ABCA5: variants seen among roughly 807,000 people sequenced by gnomAD.
ABCA5 encodes the protein ATP binding cassette subfamily A member 5.
A neutral mutation model predicts 206.0 loss-of-function variants in ABCA5; 163 were observed. That is an observed-to-expected ratio of 0.79 (90% CI 0.70 to 0.90). The LOEUF (loss-of-function observed/expected upper bound fraction) is 0.90. Ranked by LOEUF, ABCA5 falls within the 40% of genes least tolerant of loss-of-function variation. The pLI, the probability that ABCA5 is intolerant of heterozygous loss-of-function variation, is 0.00. For missense variants in ABCA5, 1,859 were observed against 1,912.9 expected (o/e 0.97, Z 0.53); for synonymous variants, 609 against 613.8 (o/e 0.99, Z 0.11).
chr17:69,279,038 C>A (rs1373865417), intron 18 of ABCA5, among the ~76,000 whole-genome samples: 1 of 149,304 alleles, frequency 6.7e-6, no homozygotes, highest in Non-Finnish European at 1.5e-5. Flanking sequence ...CTGGCCAGGG[C>A]AATTAGGCAG....
Position 69,267,935 on chromosome 17 carries a change from G to C in ABCA5, c.3144+8C>G. The C allele has an allele frequency of 6.6e-7, 1 of 1,526,556 alleles. No individual in the cohort carries two copies. Among genetic ancestry groups the C allele is most frequent in the Non-Finnish European group, 9.1e-7 (1 of 1,103,430 alleles). 94.6% of individuals were successfully genotyped at this position (1,526,556 alleles called of 1,614,324 possible). A position where few individuals can be genotyped will look rare whatever the true frequency, so the allele number is the denominator to read the frequency against. On this transcript the variant is annotated splice_region_variant and intron_variant, in intron 23 of 38. Transcript: ENST00000392676. Reference sequence around the variant, plus strand: ...TAGCAAATTATATATTTTTAACTGAGTCATTACCTTATGATTCTCTGCATT... The same window carrying C: ...TAGCAAATTATATATTTTTAACTGACTCATTACCTTATGATTCTCTGCATT...
chr17:69,326,703 A>G lies in ABCA5; in HGVS notation c.-16+349T>C, dbSNP rs1239520451. 6.6e-6 allele frequency among the ~76,000 whole-genome samples: 1 copy of G among 152,174 alleles called. No homozygotes were observed. The highest frequency in any genetic ancestry group is 2.4e-5 in the African/African-American group (1 of 41,450). ...TGCTGAGGGTGGAACGACAGCGTCC[A>G]GGCAAAGGCAGTGTCCCGAAGTCCC... On this transcript the variant is annotated intron_variant, in intron 1 of 38. Transcript: ENST00000392676. The surrounding 1 kb of genome is among the most constrained non-coding windows in gnomAD (Gnocchi z 4.8).
intron 18 of ABCA5, 137 bp downstream of exon 18, chr17:69,283,816 A>ATTAG: frequency 7.4e-6 from 2 of 268,960 alleles, no homozygotes; most frequent in Non-Finnish European, 1.0e-5. Flanking sequence ...TCCTATCACT[A>ATTAG]TCAGTATCTC....
intron 18 of ABCA5, among the ~76,000 whole-genome samples, chr17:69,278,785 C>G (rs2075359996): frequency 6.6e-6 from 1 of 151,830 alleles, no homozygotes; most frequent in African/African-American, 2.4e-5. Context: ...AGACAAAAAC[C>G]ACATGATTAT....
intron 38 of ABCA5, 37 bp from the exon 39 acceptor site, chr17:69,247,681 A>ATTCAT: frequency 1.2e-5 from 15 of 1,263,752 alleles, no homozygotes; most frequent in African/African-American, 1.5e-5. Context: ...AGTATGCTGT[A>ATTCAT]TCTCAAGTAC....
chr17:69,299,506 A>G (rs536354263), intron 9 of ABCA5, among the ~76,000 whole-genome samples: 1 of 151,922 alleles, frequency 6.6e-6, no homozygotes, highest in South Asian at 2.1e-4. Flanking sequence ...ACACAAAGGA[A>G]TCCTACTCAT....
intron 11 of ABCA5, among the ~76,000 whole-genome samples, chr17:69,293,873 CGT>C (rs34432447): frequency 4.9e-5 from 4 of 81,190 alleles, no homozygotes; most frequent in African/African-American, 2.3e-4. Flanking sequence ...TGTGTGTGTG[CGT>C]GTGTGTGTGT....
chr17:69,281,567 T>C (rs2075394135), intron 18 of ABCA5, among the ~76,000 whole-genome samples: 1 of 152,142 alleles, frequency 6.6e-6, no homozygotes, highest in African/African-American at 2.4e-5. Context: ...TCTTCTTTGA[T>C]CCAGACATAA....
Position 69,308,272 on chromosome 17 carries a change from A to T in ABCA5, c.558+8T>A, listed in dbSNP as rs769770910. 1.9e-6 allele frequency: 3 copies of T among 1,546,686 alleles called. No homozygotes were observed. Among genetic ancestry groups the T allele is most frequent in the Admixed American group, 1.7e-5 (1 of 58,758 alleles). ...TAGTTTTTGTATTTCTTCCTTTATC[A>T]TATTTACCTGTATAATGGCAGCATC... On this transcript the variant is annotated splice_region_variant and intron_variant, in intron 5 of 38. Coordinates refer to ENST00000392676, the MANE Select transcript of ABCA5 (RefSeq NM_172232.4).
intron 23 of ABCA5, 58 bp downstream of exon 23, chr17:69,267,885 G>C: frequency 1.1e-6 from 1 of 936,950 alleles, no homozygotes; most frequent in Non-Finnish European, 1.7e-6. Context: ...AAGCAAATAG[G>C]TTATTTTTAT....
chr17:69,308,318 T>C lies in ABCA5; in HGVS notation c.520A>G (p.Thr174Ala), dbSNP rs1452229354. ...GCATCTATGGATGCTTGTAAAACTG[T>C]GAAACCTGAGGACCAGTACTGAGCA... The part of the protein sequence containing the change: ...EAAQYWSSGF[T>A]VLQASIDAAI... Residue 174 changes from threonine to alanine, a missense_variant, in exon 5 of 39, where the codon ACA becomes GCA. Thr to Ala is a moderately conservative substitution (Grantham distance 58). Coordinates refer to ENST00000392676, the MANE Select transcript of ABCA5 (RefSeq NM_172232.4). 2 of 1,612,136 alleles carry C rather than the reference T, an allele frequency of 1.2e-6. No homozygotes were observed. Among genetic ancestry groups the C allele is most frequent in the South Asian group, 2.2e-5 (2 of 90,934 alleles).
In ABCA5 at chr17:69,287,356, T is replaced by C. The variant is rs7217018; in HGVS notation, c.2041+257A>G. On this transcript the variant is annotated intron_variant, in intron 15 of 38. Coordinates refer to ENST00000392676, the MANE Select transcript of ABCA5 (RefSeq NM_172232.4). ...CTAACTTAGCTTTGTATCCTTTTGC[T>C]GTAATAAATCATAGTCATGAGTATG... 4.5e-4 allele frequency among the ~76,000 whole-genome samples: 68 copies of C among 152,304 alleles called. 1 individual carries two copies. Among genetic ancestry groups the C allele is most frequent in the African/African-American group, 1.6e-3 (66 of 41,576 alleles).
At chr17:69,284,987 G>A (rs1180602445) in intron 17 of ABCA5, among the ~76,000 whole-genome samples, 1 of 152,304 alleles carries the variant, frequency 6.6e-6, no homozygotes, top group South Asian at 2.1e-4. Flanking sequence ...AAAACCATGA[G>A]TTCTGGAACT....
chr17:69,298,225 T>TAGGTAGGAAGGTAGGA (rs1339426204), intron 9 of ABCA5, among the ~76,000 whole-genome samples: 875 of 58,124 alleles, frequency 0.015, 33 homozygotes, highest in African/African-American at 0.028. Flanking sequence ...GGAAGGAAGG[T>TAGGTAGGAAGGTAGGA]AGGTAGGAAG....
intron 13 of ABCA5, 39 bp from the exon 14 acceptor site, chr17:69,289,335 C>T: frequency 7.0e-7 from 1 of 1,433,428 alleles, no homozygotes; most frequent in Non-Finnish European, 9.2e-7. Flanking sequence ...TTTTAAAAAT[C>T]ATACCATTTA....
At chr17:69,294,930 T>C (rs982531130) in intron 10 of ABCA5, among the ~76,000 whole-genome samples, 1 of 152,120 alleles carries the variant, frequency 6.6e-6, no homozygotes, top group Non-Finnish European at 1.5e-5. Context: ...CTGCCACACA[T>C]AGTTGAAAAT....
rs1313371355 is a variant in ABCA5, at chr17:69,326,280, A to G, written c.-16+772T>C. 6.6e-6 allele frequency among the ~76,000 whole-genome samples: 1 copy of G among 152,260 alleles called. No homozygotes were observed. Among genetic ancestry groups the G allele is most frequent in the Non-Finnish European group, 1.5e-5 (1 of 68,038 alleles). ...CGAGCCTGGCTTAAAGCTGTAGTCCAGCAAATACTCCTCTTCCCTTAGATT... is the reference window on the plus strand; with the variant it reads ...CGAGCCTGGCTTAAAGCTGTAGTCCGGCAAATACTCCTCTTCCCTTAGATT... On this transcript the variant is annotated intron_variant, in intron 1 of 38. Coordinates refer to ENST00000392676, the MANE Select transcript of ABCA5 (RefSeq NM_172232.4). This position sits in a 1 kb window ranked among gnomAD's most constrained non-coding sequence, Gnocchi z 4.8.
rs1015018972 is a variant in ABCA5, at chr17:69,257,312, C to T, written c.3732-1029G>A. 5.3e-5 allele frequency among the ~76,000 whole-genome samples: 8 copies of T among 150,594 alleles called. No homozygotes were observed. In the South Asian group the frequency reaches 1.5e-3, roughly 28 times the overall value. ...TTTCAACCAGTGAGCTGAGATCATG[C>T]CACTGCACTCCAGCCTGGGTGACAG... On this transcript the variant is annotated intron_variant, in intron 28 of 38. Coordinates refer to ENST00000392676, the MANE Select transcript of ABCA5 (RefSeq NM_172232.4).
chr17:69,283,768 G>A (rs1598176251), intron 18 of ABCA5, among the ~76,000 whole-genome samples, 185 bp downstream of exon 18: 2 of 151,938 alleles, frequency 1.3e-5, no homozygotes, highest in Admixed American at 1.3e-4. Context: ...ATCTAAGTTC[G>A]CTGCCTTCTA....
Sources: allele counts gnomAD v4.1 joint callset (sites outside exome capture counted in the v4.1 genomes callset), GRCh38; gene constraint gnomAD v4.1.1; non-coding constraint Gnocchi (gnomAD v3.1); transcripts MANE v1.5; gene names NCBI Gene and HGNC (gene_info 2026-07-23, HGNC 2026-07-21).